Variants in LARGE1 observed in about 807,000 individuals in gnomAD.
LARGE1 encodes xylosyl- and glucuronyltransferase LARGE1.
A neutral mutation model predicts 87.6 loss-of-function variants in LARGE1; 43 were observed. That is an observed-to-expected ratio of 0.49 (90% CI 0.38 to 0.63). The LOEUF (loss-of-function observed/expected upper bound fraction) is 0.63, where lower values mean the gene tolerates loss of function less well. Ranked by LOEUF, LARGE1 falls within the 30% of genes least tolerant of loss-of-function variation. The pLI, the probability that LARGE1 is intolerant of heterozygous loss-of-function variation, is 0.00. For missense variants in LARGE1, 802 were observed against 1,000.2 expected (o/e 0.80, Z 2.67); for synonymous variants, 434 against 394.6 (o/e 1.10, Z -1.18).
intron 5 of LARGE1, among the ~76,000 whole-genome samples, chr22:33,587,078 T>C (rs377209690): frequency 9.2e-5 from 14 of 152,318 alleles, no homozygotes; most frequent in African/African-American, 2.9e-4. Flanking sequence ...TTTCCACTTA[T>C]TGAAGCAACA....
intron 6 of LARGE1, among the ~76,000 whole-genome samples, chr22:33,548,763 T>C (rs1268934915): frequency 6.6e-6 from 1 of 152,212 alleles, no homozygotes; most frequent in Non-Finnish European, 1.5e-5. Context: ...CAGGCTCCCT[T>C]TGTTATTTAT....
At chr22:33,438,295 A>T (rs2067345745) in intron 6 of LARGE1, among the ~76,000 whole-genome samples, 2 of 152,156 alleles carry the variant, frequency 1.3e-5, no homozygotes, top group Admixed American at 6.5e-5. Context: ...CTTGCTCAGC[A>T]TTCTGCACTG....
chr22:33,309,988 T>C (rs1935383255), intron 11 of LARGE1, among the ~76,000 whole-genome samples: 1 of 152,186 alleles, frequency 6.6e-6, no homozygotes, highest in Non-Finnish European at 1.5e-5. Flanking sequence ...CTCTGCCTGT[T>C]ACATGGAGAA....
intron 5 of LARGE1, among the ~76,000 whole-genome samples, chr22:33,593,163 T>A (rs1309681846): frequency 6.6e-6 from 1 of 150,842 alleles, no homozygotes; most frequent in African/African-American, 2.4e-5. Context: ...AAAATTTTTT[T>A]AAGTCTATTT....
At chr22:33,475,706 G>A (rs980106782) in intron 6 of LARGE1, among the ~76,000 whole-genome samples, 1 of 151,898 alleles carries the variant, frequency 6.6e-6, no homozygotes, top group Non-Finnish European at 1.5e-5. Context: ...CAGTTGATCT[G>A]CCCCGCCTCA....
At chr22:33,804,563 A>T (rs2086254589) in intron 1 of LARGE1, among the ~76,000 whole-genome samples, 1 of 152,224 alleles carries the variant, frequency 6.6e-6, no homozygotes, top group Non-Finnish European at 1.5e-5. Flanking sequence ...CTTACCAGGC[A>T]CACACCTGGC....
intron 6 of LARGE1, among the ~76,000 whole-genome samples, chr22:33,524,365 C>G (rs1207648561): frequency 6.6e-6 from 1 of 152,024 alleles, no homozygotes; most frequent in Non-Finnish European, 1.5e-5. Context: ...TAACTCCTGG[C>G]ACTCACCAAT....
At chr22:33,523,281 C>T (rs1050880122) in intron 6 of LARGE1, among the ~76,000 whole-genome samples, 1 of 151,860 alleles carries the variant, frequency 6.6e-6, no homozygotes, top group African/African-American at 2.4e-5. Flanking sequence ...TCCTTGACCT[C>T]CCAAAGGCGT....
intron 6 of LARGE1, among the ~76,000 whole-genome samples, chr22:33,505,816 G>A (rs2070737558): frequency 1.3e-5 from 2 of 152,122 alleles, no homozygotes; most frequent in African/African-American, 2.4e-5. Flanking sequence ...CCTGTCACTT[G>A]CAATCAGTTT....
chr22:33,561,138 G>T (rs1337237138), intron 6 of LARGE1, among the ~76,000 whole-genome samples: 1 of 152,214 alleles, frequency 6.6e-6, no homozygotes, highest in Non-Finnish European at 1.5e-5. Flanking sequence ...AAAGCTTCTA[G>T]CTCAGTGCCT....
At chr22:33,113,205 CTTTT>C in the LARGE1 span, among the ~76,000 whole-genome samples, 4 of 127,406 alleles carry the variant, frequency 3.1e-5, no homozygotes, top group Non-Finnish European at 1.6e-5. Context: ...ACTTAATTAT[CTTTT>C]TTTTTTTTTT....
rs1487853647 is a variant in LARGE1, at chr22:33,607,413, A to C, written c.492-2855T>G. Among the ~76,000 whole-genome samples the C allele has an allele frequency of 2.2e-5, 3 of 138,382 alleles. No homozygotes were observed. In the Admixed American group the frequency reaches 2.4e-4, roughly 11 times the overall value. The allele number at this position is 138,382 out of a possible 152,430, so 90.8% of individuals were successfully genotyped here. A position where few individuals can be genotyped will look rare whatever the true frequency, so the allele number is the denominator to read the frequency against. On this transcript the variant is annotated intron_variant, in intron 4 of 14. Transcript: ENST00000397394. Reference sequence around the variant, plus strand: ...GAGGCAGAGGTTGCTGTGAGCCAAGATCGTGCCATTGCACTCCAGCCTGGG... The same window carrying C: ...GAGGCAGAGGTTGCTGTGAGCCAAGCTCGTGCCATTGCACTCCAGCCTGGG...
chr22:33,345,754 C>T (rs1939668691), intron 9 of LARGE1, among the ~76,000 whole-genome samples: 1 of 152,192 alleles, frequency 6.6e-6, no homozygotes, highest in Non-Finnish European at 1.5e-5. Context: ...CTCTATCACC[C>T]ATCAAGGGCA....
At chr22:33,847,171 G>A (rs974529694) in intron 1 of LARGE1, among the ~76,000 whole-genome samples, 10 of 152,090 alleles carry the variant, frequency 6.6e-5, no homozygotes, top group African/African-American at 1.9e-4. Context: ...CAAGCCAGCC[G>A]ACGCTTAGGA....
chr22:33,810,096 T>C (rs1420330577), intron 1 of LARGE1, among the ~76,000 whole-genome samples: 3 of 152,132 alleles, frequency 2.0e-5, no homozygotes, highest in Non-Finnish European at 2.9e-5. Context: ...AGACACAGCA[T>C]GGGGGATGGG....
At chr22:33,668,791 T>C (rs1175099140) in intron 2 of LARGE1, among the ~76,000 whole-genome samples, 1 of 152,224 alleles carries the variant, frequency 6.6e-6, no homozygotes, top group African/African-American at 2.4e-5. Flanking sequence ...TCCTCTTTGT[T>C]ATTTCCCATT....
intron 1 of LARGE1, among the ~76,000 whole-genome samples, chr22:33,866,201 T>C (rs2064098420): frequency 6.6e-6 from 1 of 151,958 alleles, no homozygotes; most frequent in Non-Finnish European, 1.5e-5. Context: ...TAAATGATCA[T>C]AAAGCAATCT....
the LARGE1 span, among the ~76,000 whole-genome samples, chr22:33,101,035 G>C: frequency 1.3e-5 from 2 of 151,880 alleles, no homozygotes; most frequent in Non-Finnish European, 2.9e-5. Flanking sequence ...AGTAGAGACG[G>C]GGTTTCTCCA....
chr22:33,409,241 G>A (rs2066219093), intron 7 of LARGE1, among the ~76,000 whole-genome samples: 1 of 152,148 alleles, frequency 6.6e-6, no homozygotes, highest in South Asian at 2.1e-4. Context: ...ACAAGGAGGG[G>A]CTATTGAAGC....
Sources: allele counts gnomAD v4.1 joint callset (sites outside exome capture counted in the v4.1 genomes callset), GRCh38; gene constraint gnomAD v4.1.1; transcripts MANE v1.5; gene names NCBI Gene and HGNC (gene_info 2026-07-23, HGNC 2026-07-21).